Variants in FBLN1 observed in about 807,000 individuals in gnomAD.
FBLN1 encodes the protein fibulin-1.
Under a neutral mutation model 89.7 loss-of-function variants are expected in FBLN1, and 34 were observed. That is an observed-to-expected ratio of 0.38 (90% CI 0.29 to 0.50). The LOEUF (loss-of-function observed/expected upper bound fraction) is 0.50. Ranked by LOEUF, FBLN1 falls within the 20% of genes least tolerant of loss-of-function variation. The probability of loss-of-function intolerance (pLI) is 0.92; values close to 1 mark genes in which losing one functional copy is unlikely to be tolerated. For synonymous variants in FBLN1, 393 were observed against 391.3 expected (o/e 1.00, Z -0.05); for missense variants, 777 against 988.1 (o/e 0.79, Z 2.86).
chr22:45,573,662 C>T (rs1369946812), intron 14 of FBLN1, among the ~76,000 whole-genome samples: 1 of 124,884 alleles, frequency 8.0e-6, no homozygotes, highest in Non-Finnish European at 1.6e-5. Context: ...GTCTGGGTGA[C>T]AGAGCGAGAC....
At chr22:45,596,734 G>A (rs1276129679) in intron 16 of FBLN1, among the ~76,000 whole-genome samples, 2 of 146,276 alleles carry the variant, frequency 1.4e-5, no homozygotes, top group Non-Finnish European at 3.0e-5. Context: ...AAATTTTAGA[G>A]TAAATGTAAA....
At chr22:45,594,696 AGATGGATGGATG>A (rs201180295) in intron 16 of FBLN1, among the ~76,000 whole-genome samples, 2,317 of 143,064 alleles carry the variant, frequency 0.016, 54 homozygotes, top group African/African-American at 0.058. Context: ...ATTGGTGGAT[AGATGGATGGATG>A]GATGGATGGA....
intron 3 of FBLN1, among the ~76,000 whole-genome samples, chr22:45,526,766 G>C (rs1569240217): frequency 6.6e-6 from 1 of 152,188 alleles, no homozygotes; most frequent in African/African-American, 2.4e-5. Flanking sequence ...GGAGAGAGCT[G>C]GGTGGGGTGA....
At position 45,561,590 on chromosome 22, in the gene FBLN1, C is replaced by T. The variant is rs180919872; in HGVS notation, c.1697+10975C>T. On this transcript the variant is annotated intron_variant, in intron 14 of 16. Coordinates refer to ENST00000327858, the MANE Select transcript of FBLN1 (RefSeq NM_006486.3). The surrounding 1 kb of genome is among the most constrained non-coding windows in gnomAD (Gnocchi z 4.7). ...AGTCCTTAGCATTTTTGGATCTAAT[C>T]GTTAACCAGCCAACCCCAGAAACCC... is the stretch of plus-strand genomic sequence containing the variant. Among the ~76,000 whole-genome samples the T allele has an allele frequency of 2.3e-4, 35 of 152,226 alleles. No individual in the cohort carries two copies. Among genetic ancestry groups the T allele is most frequent in the African/African-American group, 7.2e-4 (30 of 41,524 alleles).
chr22:45,597,936 G>C lies in FBLN1; in HGVS notation c.1973-2371G>C, dbSNP rs1467002611. On this transcript the variant is annotated intron_variant, in intron 16 of 16. Coordinates refer to ENST00000327858, the MANE Select transcript of FBLN1 (RefSeq NM_006486.3). This position sits in a 1 kb window ranked among gnomAD's most constrained non-coding sequence, Gnocchi z 4.2. The stretch of plus-strand genomic sequence containing the variant: ...AGATTCTCTTTCTGAGCGTGAACTT[G>C]ATGTTCCTGACCAGGAACCAGCCAC... 2.0e-5 allele frequency among the ~76,000 whole-genome samples: 3 copies of C among 152,102 alleles called. No homozygotes were observed. Among genetic ancestry groups the C allele is most frequent in the Non-Finnish European group, 2.9e-5 (2 of 68,016 alleles).
intron 16 of FBLN1, among the ~76,000 whole-genome samples, chr22:45,589,941 G>T (rs565151658): frequency 2.0e-5 from 3 of 152,314 alleles, no homozygotes; most frequent in Admixed American, 2.0e-4. Context: ...TTCCCGGTTT[G>T]GGGTGTGTAT....
chr22:45,570,760 G>T (rs532200373), intron 14 of FBLN1, among the ~76,000 whole-genome samples: 3 of 152,026 alleles, frequency 2.0e-5, no homozygotes, highest in Non-Finnish European at 4.4e-5. Context: ...AACACATAGC[G>T]TACCTGAGAA....
chr22:45,580,894 G>A lies in FBLN1; in HGVS notation c.1972+3786G>A, dbSNP rs1253203864. On this transcript the variant is annotated intron_variant, in intron 16 of 16. Coordinates refer to ENST00000327858, the MANE Select transcript of FBLN1 (RefSeq NM_006486.3). The surrounding 1 kb of genome is among the most constrained non-coding windows in gnomAD (Gnocchi z 8.6). ...GTTCTTAGCGGGGATCGAGGAGCCC[G>A]CAGCAGGGCCCGCGCCGTCGTCTTT... 3.9e-5 allele frequency among the ~76,000 whole-genome samples: 6 copies of A among 152,240 alleles called. No individual in the cohort carries two copies. Among genetic ancestry groups the A allele is most frequent in the Non-Finnish European group, 2.9e-5 (2 of 68,042 alleles).
intron 4 of FBLN1, among the ~76,000 whole-genome samples, chr22:45,529,523 G>A (rs888731348): frequency 8.5e-5 from 13 of 152,152 alleles, no homozygotes; most frequent in Non-Finnish European, 1.5e-4. Flanking sequence ...TGTAGTTTTC[G>A]GCCTGTTCCC....
intron 16 of FBLN1, among the ~76,000 whole-genome samples, chr22:45,592,789 C>T (rs530742428): frequency 8.5e-5 from 13 of 152,128 alleles, no homozygotes; most frequent in Non-Finnish European, 1.9e-4. Context: ...GTTTGGGTCT[C>T]CTCTGAGCTC....
chr22:45,595,921 G>A (rs2089180901), intron 16 of FBLN1, among the ~76,000 whole-genome samples: 1 of 152,264 alleles, frequency 6.6e-6, no homozygotes, highest in Non-Finnish European at 1.5e-5. Flanking sequence ...CCAGGCTAGA[G>A]TGCAATGGCG....
chr22:45,514,071 C>T (rs1386439137), intron 1 of FBLN1, among the ~76,000 whole-genome samples: 6 of 152,130 alleles, frequency 3.9e-5, no homozygotes, highest in Admixed American at 6.5e-5. Context: ...GCGTGAGCCA[C>T]CGTACCTGGC....
intron 14 of FBLN1, among the ~76,000 whole-genome samples, chr22:45,570,319 CA>C (rs761469854): frequency 0.029 from 1,069 of 36,352 alleles, 1 homozygote; most frequent in African/African-American, 0.065. Context: ...GACTCTGTCT[CA>C]AAAAAAAAAA....
At chr22:45,538,972 G>A (rs2088518272) in intron 8 of FBLN1, among the ~76,000 whole-genome samples, 1 of 152,084 alleles carries the variant, frequency 6.6e-6, no homozygotes, top group African/African-American at 2.4e-5. Flanking sequence ...TTAAGGTTGG[G>A]TCACCGAGGG....
chr22:45,584,233 A>T (rs201779511), intron 16 of FBLN1, among the ~76,000 whole-genome samples: 4 of 152,314 alleles, frequency 2.6e-5, no homozygotes, highest in African/African-American at 7.2e-5. Context: ...AGTGAACTTG[A>T]CAGCCGCTTT....
intron 2 of FBLN1, among the ~76,000 whole-genome samples, chr22:45,522,408 G>A (rs533259110): frequency 6.6e-6 from 1 of 152,350 alleles, no homozygotes; most frequent in South Asian, 2.1e-4. Context: ...TGAAAGCCAT[G>A]AGCAGGCAGG....
At chr22:45,552,407 C>A (rs1050837618) in intron 14 of FBLN1, among the ~76,000 whole-genome samples, 6 of 152,222 alleles carry the variant, frequency 3.9e-5, no homozygotes, top group African/African-American at 1.2e-4. Context: ...TGTTCCAGCC[C>A]TTGGACTCCC....
Position 45,579,838 on chromosome 22 carries a change from T to A in FBLN1, c.1972+2730T>A, listed in dbSNP as rs192640314. 5.9e-5 allele frequency among the ~76,000 whole-genome samples: 9 copies of A among 152,206 alleles called. No homozygotes were observed. Among genetic ancestry groups the A allele is most frequent in the African/African-American group, 2.2e-4 (9 of 41,546 alleles). On this transcript the variant is annotated intron_variant, in intron 16 of 16. Transcript: ENST00000327858. The surrounding 1 kb of genome is among the most constrained non-coding windows in gnomAD (Gnocchi z 5.5). ...CTTCTCCCTCCTCTTCTGCCCAGAATAACTTCCATACATCCTGGGAGCTTC... is the reference window on the plus strand; with the variant it reads ...CTTCTCCCTCCTCTTCTGCCCAGAAAAACTTCCATACATCCTGGGAGCTTC...
In FBLN1 at chr22:45,600,378, G is replaced by A. The variant is rs558974015; in HGVS notation, c.2044G>A (p.Val682Ile). ...AVLKLEMNYV[V>I]GGVVSHRNVV... ...CCTGAAGCTGGAGATGAACTATGTG[G>A]TCGGGGGCGTGGTCTCCCACCGAAA... The change falls in exon 17 of 17, where the codon GTC (valine) becomes ATC (isoleucine). Residue 682 changes from valine to isoleucine, a missense_variant. Coordinates refer to ENST00000327858, the MANE Select transcript of FBLN1 (RefSeq NM_006486.3). 1.9e-6 allele frequency: 3 copies of A among 1,614,160 alleles called. No homozygotes were observed. The highest frequency in any genetic ancestry group is 2.2e-5 in the South Asian group (2 of 91,078).
Sources: allele counts gnomAD v4.1 joint callset (sites outside exome capture counted in the v4.1 genomes callset), GRCh38; gene constraint gnomAD v4.1.1; non-coding constraint Gnocchi (gnomAD v3.1); transcripts MANE v1.5; gene names NCBI Gene and HGNC (gene_info 2026-07-23, HGNC 2026-07-21).